Variants in SPPL3 observed in about 807,000 individuals in gnomAD.
SPPL3 encodes signal peptide peptidase like 3, also known as signal peptide peptidase-like 3.
Under a neutral mutation model 42.4 loss-of-function variants are expected in SPPL3, and 5 were observed. The ratio of observed to expected loss-of-function variants is 0.12; its 90% CI spans 0.06 to 0.25. The LOEUF is 0.25. Ranked by LOEUF, SPPL3 falls within the 10% of genes least tolerant of loss-of-function variation. The pLI, the probability that SPPL3 is intolerant of heterozygous loss-of-function variation, is 1.00. For synonymous variants in SPPL3, 195 were observed against 181.8 expected, an observed-to-expected ratio of 1.07 and a Z score of -0.58; for missense variants, 235 against 489.0, an observed-to-expected ratio of 0.48 and a Z score of 4.90.
chr12:120,789,165 C>T (rs1475186197), intron 3 of SPPL3, among the ~76,000 whole-genome samples: 1 of 152,124 alleles, frequency 6.6e-6, no homozygotes, highest in Non-Finnish European at 1.5e-5. Context: ...TTAAGAAAGA[C>T]CATTTAGGTT....
chr12:120,767,861 C>T (rs1374171959), intron 8 of SPPL3, among the ~76,000 whole-genome samples: 1 of 152,184 alleles, frequency 6.6e-6, no homozygotes, highest in African/African-American at 2.4e-5. Context: ...GCTGCTTCCT[C>T]TAGAAATGTC....
chr12:120,798,921 G>A (rs950352090), intron 2 of SPPL3, among the ~76,000 whole-genome samples: 1 of 152,180 alleles, frequency 6.6e-6, no homozygotes, highest in African/African-American at 2.4e-5. Context: ...CCATGAGACT[G>A]GGTTAGTGAG....
At chr12:120,822,176 G>A (rs1169120984) in intron 1 of SPPL3, among the ~76,000 whole-genome samples, 1 of 152,144 alleles carries the variant, frequency 6.6e-6, no homozygotes, top group Non-Finnish European at 1.5e-5. Context: ...GAATAGTGGT[G>A]ACTGTTGCAC....
chr12:120,901,350 T>C (rs1201264267), intron 1 of SPPL3, among the ~76,000 whole-genome samples: 1 of 151,890 alleles, frequency 6.6e-6, no homozygotes, highest in Non-Finnish European at 1.5e-5. Context: ...CCCAGCACTT[T>C]GGGAAGCCGA....
intron 9 of SPPL3, 145 bp from the exon 10 acceptor site, chr12:120,766,517 TG>T: frequency 1.8e-6 from 1 of 570,562 alleles, no homozygotes; most frequent in Non-Finnish European, 3.0e-6. Context: ...CTTGGGCAGT[TG>T]AAGAAATGTG....
intron 1 of SPPL3, 111 bp downstream of exon 1, chr12:120,903,734 C>CT: frequency 1.6e-6 from 1 of 608,590 alleles, no homozygotes; most frequent in Non-Finnish European, 2.6e-6. Flanking sequence ...CAACCCGCGC[C>CT]CCCCCCCCAC....
chr12:120,869,524 G>A (rs1247481973), intron 1 of SPPL3, among the ~76,000 whole-genome samples: 6 of 152,226 alleles, frequency 3.9e-5, no homozygotes, highest in East Asian at 1.9e-4. Context: ...TGCCTGTAAC[G>A]ACCTCTACTA....
At chr12:120,827,351 AT>A (rs1871259031) in intron 1 of SPPL3, among the ~76,000 whole-genome samples, 2 of 125,120 alleles carry the variant, frequency 1.6e-5, no homozygotes, top group Non-Finnish European at 3.4e-5. Flanking sequence ...AATAATAATA[AT>A]AATATAATAA....
intron 2 of SPPL3, among the ~76,000 whole-genome samples, chr12:120,793,358 TG>T (rs1215940789): frequency 2.0e-5 from 3 of 152,310 alleles, no homozygotes; most frequent in East Asian, 3.9e-4. Flanking sequence ...TAGCTGGGTG[TG>T]GTGGCATGTG....
intron 1 of SPPL3, among the ~76,000 whole-genome samples, chr12:120,891,533 T>C (rs567359590): frequency 6.6e-6 from 1 of 152,140 alleles, no homozygotes; most frequent in Non-Finnish European, 1.5e-5. Flanking sequence ...TAAGTTTCTA[T>C]TAAAAAAATT....
At chr12:120,869,276 T>C (rs1027552554) in intron 1 of SPPL3, among the ~76,000 whole-genome samples, 3 of 152,332 alleles carry the variant, frequency 2.0e-5, no homozygotes, top group Admixed American at 1.3e-4. Flanking sequence ...TCTACCAAAA[T>C]GGCAAACTCT....
chr12:120,889,279 T>A (rs1009732614), intron 1 of SPPL3, among the ~76,000 whole-genome samples: 1 of 152,228 alleles, frequency 6.6e-6, no homozygotes, highest in Non-Finnish European at 1.5e-5. Flanking sequence ...GAGGGAACTT[T>A]AACTGTGGTA....
rs1339924880 is a variant in SPPL3, at chr12:120,784,577, G to A, written c.207C>T (p.Asp69=). The stretch of plus-strand genomic sequence containing the variant: ...TTGGAAGGAACAGAGCCTGGGTAGA[G>A]TCAATTGTTTGGATGCCTGAAAGAG... ...NSTNNSIQTI[D]STQALFLPIG... Residue 69 remains aspartate, a synonymous_variant, in exon 4 of 11, where the codon GAC becomes GAT. Transcript: ENST00000353487. 1 of 1,607,738 alleles carries A rather than the reference G, an allele frequency of 6.2e-7. No homozygotes were observed. Among genetic ancestry groups the A allele is most frequent in the Non-Finnish European group, 8.5e-7 (1 of 1,178,056 alleles).
At chr12:120,861,863 A>C (rs1872626230) in intron 1 of SPPL3, among the ~76,000 whole-genome samples, 1 of 152,232 alleles carries the variant, frequency 6.6e-6, no homozygotes, top group Non-Finnish European at 1.5e-5. Flanking sequence ...AGTTAGGGGT[A>C]AGAGAGGGAC....
intron 1 of SPPL3, among the ~76,000 whole-genome samples, chr12:120,858,387 C>T (rs552075997): frequency 2.3e-4 from 35 of 151,240 alleles, no homozygotes; most frequent in African/African-American, 8.2e-4. Context: ...ACCCGGGAAG[C>T]GGAGGTTGCA....
intron 6 of SPPL3, 132 bp downstream of exon 6, chr12:120,782,523 T>G: frequency 1.6e-6 from 1 of 622,714 alleles, no homozygotes; most frequent in Non-Finnish European, 2.8e-6. Context: ...GCTCATTTGT[T>G]TTGGCGGGGG....
intron 3 of SPPL3, among the ~76,000 whole-genome samples, chr12:120,791,050 C>A (rs1265480392): frequency 6.6e-6 from 1 of 152,114 alleles, no homozygotes; most frequent in Non-Finnish European, 1.5e-5. Context: ...GAACTCCCAA[C>A]CTCAAGTGAT....
At chr12:120,837,109 T>C (rs997601729) in intron 1 of SPPL3, among the ~76,000 whole-genome samples, 3 of 152,334 alleles carry the variant, frequency 2.0e-5, no homozygotes, top group Middle Eastern at 3.4e-3. Flanking sequence ...AGATAACTGA[T>C]ACAGAGCAGT....
intron 1 of SPPL3, among the ~76,000 whole-genome samples, chr12:120,849,066 C>G (rs1872139390): frequency 6.6e-6 from 1 of 151,950 alleles, no homozygotes; most frequent in Admixed American, 6.6e-5. Flanking sequence ...CTCATGGAGG[C>G]TGAGATGGGA....
Sources: gnomAD v4.1 joint callset for allele counts (sites outside exome capture counted in the v4.1 genomes callset) on GRCh38, gnomAD v4.1.1 for gene constraint, MANE v1.5 for transcripts, NCBI Gene and HGNC (gene_info 2026-07-23, HGNC 2026-07-21) for gene names.